Variants in PCDH15 observed in about 807,000 individuals in gnomAD.
The protein encoded by PCDH15 is protocadherin related 15, also known as protocadherin-15.
In PCDH15, 129 loss-of-function variants were observed where a neutral mutation model predicts 178.5. That is an observed-to-expected ratio of 0.72 (90% CI 0.63 to 0.84). PCDH15 has a LOEUF of 0.84. Among genes scored for constraint, PCDH15 ranks in the 40% least tolerant of loss-of-function variants. The pLI is 0.00. For synonymous variants in PCDH15, 800 were observed against 732.0 expected (o/e 1.09, Z -1.50); for missense variants, 2,230 against 2,099.9 (o/e 1.06, Z -1.21).
intron 2 of PCDH15, among the ~76,000 whole-genome samples, chr10:54,589,817 C>G (rs1240334393): frequency 6.6e-6 from 1 of 152,052 alleles, no homozygotes; most frequent in African/African-American, 2.4e-5. Context: ...AGGGTGATCT[C>G]GATCTCCTGA....
chr10:55,551,765 A>C (rs10825540), intron 2 of PCDH15, among the ~76,000 whole-genome samples: 51,762 of 151,366 alleles, frequency 0.34, 9,119 homozygotes, highest in East Asian at 0.49. Context: ...TTAGTATTTT[A>C]AAATTGCATG....
At chr10:54,156,980 G>C (rs1016673839) in intron 13 of PCDH15, among the ~76,000 whole-genome samples, 1 of 152,214 alleles carries the variant, frequency 6.6e-6, no homozygotes, top group Non-Finnish European at 1.5e-5. Flanking sequence ...GATGTAAGAG[G>C]TGGGTTTCCA....
chr10:53,972,428 A>T (rs1304171312), intron 21 of PCDH15, among the ~76,000 whole-genome samples: 4 of 152,226 alleles, frequency 2.6e-5, no homozygotes, highest in Admixed American at 2.0e-4. Context: ...AAAAGCCAAA[A>T]TTGACAAATT....
At chr10:54,352,382 G>T (rs1245431595) in intron 5 of PCDH15, among the ~76,000 whole-genome samples, 2 of 152,042 alleles carry the variant, frequency 1.3e-5, no homozygotes, top group Non-Finnish European at 2.9e-5. Context: ...TTGGAAACTT[G>T]CCCCCAAAAA....
At chr10:55,151,241 A>G (rs1393607347) in intron 2 of PCDH15, among the ~76,000 whole-genome samples, 3 of 152,086 alleles carry the variant, frequency 2.0e-5, no homozygotes, top group Non-Finnish European at 4.4e-5. Context: ...TCTATTGAAA[A>G]TTTACATTTA....
intron 37 of PCDH15, chr10:53,809,262 TAC>T (rs781115216): frequency 1.2e-6 from 2 of 1,613,890 alleles, no homozygotes; most frequent in African/African-American, 2.7e-5. Flanking sequence ...CCTCTGATTC[TAC>T]AGTGCTTTCT....
intron 8 of PCDH15, among the ~76,000 whole-genome samples, chr10:54,270,184 A>G (rs748629669): frequency 3.9e-5 from 6 of 152,102 alleles, no homozygotes; most frequent in Non-Finnish European, 8.8e-5. Flanking sequence ...TAGTCAATGA[A>G]TCCAGTTTTT....
At chr10:55,173,093 G>A (rs1387666512) in intron 1 of PCDH15, among the ~76,000 whole-genome samples, 8 of 151,376 alleles carry the variant, frequency 5.3e-5, no homozygotes, top group Non-Finnish European at 1.2e-4. Context: ...CTGGGGACAT[G>A]TATCAATTCT....
intron 1 of PCDH15, among the ~76,000 whole-genome samples, chr10:55,236,704 C>T (rs1841394322): frequency 6.6e-6 from 1 of 151,858 alleles, no homozygotes; most frequent in Non-Finnish European, 1.5e-5. Flanking sequence ...ATTAAATGTA[C>T]CTAGCTTTTA....
intron 1 of PCDH15, among the ~76,000 whole-genome samples, chr10:54,693,847 C>T (rs75125917): frequency 0.08 from 12,189 of 152,110 alleles, 545 homozygotes; most frequent in South Asian, 0.15. Context: ...GCCTGCACTA[C>T]TTACTGAGTG....
At chr10:54,881,419 G>C (rs907356144) in intron 3 of PCDH15, among the ~76,000 whole-genome samples, 1 of 152,068 alleles carries the variant, frequency 6.6e-6, no homozygotes, top group African/African-American at 2.4e-5. Context: ...TGAACATTGG[G>C]TAAATAGTTT....
intron 3 of PCDH15, among the ~76,000 whole-genome samples, chr10:54,416,330 G>A (rs11004290): frequency 0.11 from 16,453 of 151,848 alleles, 1,183 homozygotes; most frequent in South Asian, 0.22. Flanking sequence ...CTGTGTCCAC[G>A]TGTTCTCATT....
At chr10:55,338,686 T>C (rs1331944935) in intron 2 of PCDH15, among the ~76,000 whole-genome samples, 1 of 152,026 alleles carries the variant, frequency 6.6e-6, no homozygotes, top group Non-Finnish European at 1.5e-5. Context: ...GGGAATCGCT[T>C]GGACCCAGGA....
chr10:53,843,709 A>T (rs1302146744), intron 28 of PCDH15, among the ~76,000 whole-genome samples: 1 of 152,136 alleles, frequency 6.6e-6, no homozygotes, highest in Non-Finnish European at 1.5e-5. Context: ...AAGTCTTCAT[A>T]TAAATCTATA....
At chr10:55,233,151 A>G (rs1356659622) in intron 1 of PCDH15, among the ~76,000 whole-genome samples, 1 of 152,076 alleles carries the variant, frequency 6.6e-6, no homozygotes, top group Non-Finnish European at 1.5e-5. Context: ...TACTACTTCT[A>G]TATTAACTAA....
At chr10:54,455,516 G>A (rs760385376) in intron 3 of PCDH15, among the ~76,000 whole-genome samples, 64 of 152,278 alleles carry the variant, frequency 4.2e-4, no homozygotes, top group South Asian at 1.0e-3. Context: ...TATGCAGGGA[G>A]ACTGGCAGCA....
intron 1 of PCDH15, among the ~76,000 whole-genome samples, chr10:55,254,894 T>C (rs1841947391): frequency 6.6e-6 from 1 of 152,162 alleles, no homozygotes; most frequent in Non-Finnish European, 1.5e-5. Context: ...TTAGTCAACC[T>C]TACATCTCAT....
intron 2 of PCDH15, among the ~76,000 whole-genome samples, chr10:55,465,794 A>G (rs1234443737): frequency 6.6e-6 from 1 of 152,122 alleles, no homozygotes; most frequent in Non-Finnish European, 1.5e-5. Context: ...TAATATAGAG[A>G]ACAGTTTGTC....
At chr10:55,401,583 A>C (rs940879975) in intron 2 of PCDH15, among the ~76,000 whole-genome samples, 1 of 131,560 alleles carries the variant, frequency 7.6e-6, no homozygotes. Flanking sequence ...TTACTGGACC[A>C]ATTTGCCTTA....
Sources: gnomAD v4.1 joint callset for allele counts (sites outside exome capture counted in the v4.1 genomes callset) on GRCh38, gnomAD v4.1.1 for gene constraint, MANE v1.5 for transcripts, NCBI Gene and HGNC (gene_info 2026-07-23, HGNC 2026-07-21) for gene names.